PLEKHM2: variants seen among roughly 807,000 people sequenced by gnomAD.
The protein encoded by PLEKHM2 is pleckstrin homology and RUN domain containing M2.
PLEKHM2 carries 77 observed loss-of-function variants against 116.3 expected under a neutral mutation model. The ratio of observed to expected loss-of-function variants is 0.66; its 90% CI spans 0.55 to 0.80. The LOEUF is 0.80. PLEKHM2 is among the 30% of genes least tolerant of loss of function. The probability of loss-of-function intolerance (pLI) is 0.00; values close to 1 mark genes in which losing one functional copy is unlikely to be tolerated. For missense variants in PLEKHM2, 1,183 were observed against 1,354.9 expected (o/e 0.87, Z 1.99); for synonymous variants, 562 against 571.0 (o/e 0.98, Z 0.22).
intron 16 of PLEKHM2, 93 bp from the exon 17 acceptor site, chr1:15,731,796 C>T: frequency 9.2e-7 from 1 of 1,085,126 alleles, no homozygotes; most frequent in Non-Finnish European, 1.3e-6. Flanking sequence ...TGGGGCAGAC[C>T]CTGTGCCGCA....
intron 1 of PLEKHM2, among the ~76,000 whole-genome samples, chr1:15,691,592 C>G (rs1640889378): frequency 6.6e-6 from 1 of 152,322 alleles, no homozygotes; most frequent in Middle Eastern, 3.4e-3. Context: ...GGCGTCGGCT[C>G]TGAGTGAAGT....
intron 6 of PLEKHM2, chr1:15,720,329 A>C: frequency 1.0e-6 from 1 of 984,914 alleles, no homozygotes. Context: ...AGGTTAAGCA[A>C]CCCCTAGAAG....
chr1:15,725,199 CAGGTTT>C (rs2068046397), intron 7 of PLEKHM2, 112 bp from the exon 8 acceptor site: 1 of 696,626 alleles, frequency 1.4e-6, no homozygotes, highest in African/African-American at 1.8e-5. Flanking sequence ...CCACCCCTGT[CAGGTTT>C]CCCTGGGAGG....
intron 1 of PLEKHM2, among the ~76,000 whole-genome samples, chr1:15,702,913 A>G (rs1641145637): frequency 6.6e-6 from 1 of 151,674 alleles, no homozygotes; most frequent in South Asian, 2.1e-4. Flanking sequence ...AAGTTGCTAG[A>G]AACAGGGTCT....
chr1:15,713,880 C>T (rs915273145), intron 1 of PLEKHM2, among the ~76,000 whole-genome samples: 6 of 151,482 alleles, frequency 4.0e-5, no homozygotes, highest in Admixed American at 1.3e-4. Flanking sequence ...CCTCGTGATC[C>T]GCCCACCTCG....
chr1:15,697,910 C>G (rs1026831672), intron 1 of PLEKHM2, among the ~76,000 whole-genome samples: 7 of 152,110 alleles, frequency 4.6e-5, no homozygotes, highest in African/African-American at 2.4e-5. Context: ...TCTACCAACT[C>G]TCCAGCAGAA....
intron 1 of PLEKHM2, among the ~76,000 whole-genome samples, chr1:15,715,562 A>G (rs1019024850): frequency 1.3e-5 from 2 of 152,038 alleles, no homozygotes; most frequent in Admixed American, 1.3e-4. Context: ...AATCACTTGA[A>G]CCCAGGAGGC....
At chr1:15,720,289 C>T in intron 6 of PLEKHM2, 1 of 973,574 alleles carries the variant, frequency 1.0e-6, no homozygotes, top group Non-Finnish European at 1.2e-6. Context: ...TTCTGGGGAG[C>T]TTGTCTGACC....
intron 15 of PLEKHM2, 117 bp from the exon 16 acceptor site, chr1:15,731,075 C>T: frequency 2.6e-6 from 2 of 762,852 alleles, no homozygotes; most frequent in South Asian, 3.0e-5. Context: ...CCCTGGTGTC[C>T]TTTGCCTCAG....
At chr1:15,699,039 A>C (rs1472403128) in intron 1 of PLEKHM2, among the ~76,000 whole-genome samples, 2 of 152,020 alleles carry the variant, frequency 1.3e-5, no homozygotes, top group African/African-American at 4.8e-5. Flanking sequence ...AAATTAGGGG[A>C]GTAGGCTTGA....
Position 15,730,705 on chromosome 1 carries a change from G to A in PLEKHM2, c.2382G>A (p.Thr794=), listed in dbSNP as rs1455349103. 1.0e-5 allele frequency: 16 copies of A among 1,599,744 alleles called. No individual in the cohort carries two copies. Among genetic ancestry groups the A allele is most frequent in the East Asian group, 2.3e-5 (1 of 44,100 alleles). ...TSYLGKEHWK[T]CFVVLSNGIL... is the part of the protein sequence containing the mutation. ...ACCTGGGCAAGGAACACTGGAAGAC[G>A]TGCTTCGTGGTGCTCAGGTGGGAGC... Residue 794 remains threonine, a synonymous_variant, in exon 15 of 20, where the codon ACG becomes ACA. Transcript: ENST00000375799.
intron 1 of PLEKHM2, among the ~76,000 whole-genome samples, chr1:15,702,049 A>C (rs1281526555): frequency 3.3e-5 from 5 of 152,182 alleles, no homozygotes; most frequent in African/African-American, 1.2e-4. Context: ...GGGTCGCCCA[A>C]AGGTAAATGA....
chr1:15,716,203 A>C (rs983599059), intron 1 of PLEKHM2, 34 bp from the exon 2 acceptor site: 1 of 1,283,478 alleles, frequency 7.8e-7, no homozygotes, highest in Non-Finnish European at 1.1e-6. Flanking sequence ...CTCTTAATCC[A>C]TTTCTGATTT....
chr1:15,695,402 C>T (rs1232272218), intron 1 of PLEKHM2, among the ~76,000 whole-genome samples: 1 of 152,188 alleles, frequency 6.6e-6, no homozygotes, highest in African/African-American at 2.4e-5. Context: ...AATAAAACCA[C>T]ATGAATCCTT....
intron 1 of PLEKHM2, among the ~76,000 whole-genome samples, chr1:15,700,030 T>G: frequency 6.6e-6 from 1 of 151,110 alleles, no homozygotes. Context: ...GCAGTGTACA[T>G]CGGAAGCATT....
chr1:15,693,424 A>G (rs1262385282), intron 1 of PLEKHM2, among the ~76,000 whole-genome samples: 1 of 152,228 alleles, frequency 6.6e-6, no homozygotes, highest in Non-Finnish European at 1.5e-5. Context: ...ACCTTGTGAC[A>G]CTGTGTGGTC....
rs1023128398 is a variant in PLEKHM2 at position 15,728,778 on chromosome 1, C to T, written c.1986+45C>T. The T allele has an allele frequency of 7.9e-6, 12 of 1,521,462 alleles. No individual in the cohort carries two copies. The highest frequency in any genetic ancestry group is 3.5e-5 in the South Asian group (3 of 85,232). The allele number at this position is 1,521,462 out of a possible 1,614,324, so 94.2% of individuals were successfully genotyped here. Reference sequence around the variant, plus strand: ...TTGTGCGCCTGCTGTAGGTACAGGGCTTCTCAAGCCACTTACCCATAGAAC... The same window carrying T: ...TTGTGCGCCTGCTGTAGGTACAGGGTTTCTCAAGCCACTTACCCATAGAAC... On this transcript the variant is annotated intron_variant, in intron 12 of 19. Transcript: ENST00000375799. The surrounding 1 kb of genome is among the most constrained non-coding windows in gnomAD (Gnocchi z 5.9).
At chr1:15,682,172 G>C (rs1289159498), upstream of PLEKHM2, among the ~76,000 whole-genome samples, 1 of 152,004 alleles carries the variant, frequency 6.6e-6, no homozygotes, top group Non-Finnish European at 1.5e-5. Flanking sequence ...CTCCAGCCTG[G>C]GTGACAGAGT....
chr1:15,682,832 T>G (rs1269989579), upstream of PLEKHM2: 1 of 152,146 alleles, frequency 6.6e-6, no homozygotes, highest in Non-Finnish European at 1.5e-5. Flanking sequence ...GAACCAGAGT[T>G]GAGAACTGGG....
Sources: gnomAD v4.1 joint callset for allele counts (sites outside exome capture counted in the v4.1 genomes callset) on GRCh38, gnomAD v4.1.1 for gene constraint, Gnocchi (gnomAD v3.1) non-coding constraint, MANE v1.5 for transcripts, NCBI Gene and HGNC (gene_info 2026-07-23, HGNC 2026-07-21) for gene names.